LSM7: variants seen among roughly 807,000 people sequenced by gnomAD.
The protein encoded by LSM7 is LSM7 homolog, U6 small nuclear RNA and mRNA degradation associated.
Under a neutral mutation model 14.1 loss-of-function variants are expected in LSM7, and 13 were observed. The ratio of observed to expected loss-of-function variants is 0.92; its 90% CI spans 0.60 to 1.47. The LOEUF is 1.47. Among genes scored for constraint, LSM7 ranks in the 40% most tolerant of loss-of-function variants. The pLI is 0.00. For synonymous variants in LSM7, 70 were observed against 57.1 expected (o/e 1.23, Z -1.02); for missense variants, 108 against 140.8 (o/e 0.77, Z 1.18).
chr19:2,321,883 C>A lies in LSM7; in HGVS notation c.170-61G>T. Reference sequence around the variant, plus strand: ...CCAGGAAGCCTCCGAGACCCCCCACCCACCCAAGACCCTCGCTCCGACCTC... The same window carrying A: ...CCAGGAAGCCTCCGAGACCCCCCACACACCCAAGACCCTCGCTCCGACCTC... On this transcript the variant is annotated intron_variant, in intron 3 of 3. Transcript: ENST00000252622. The surrounding 1 kb of genome is among the most constrained non-coding windows in gnomAD (Gnocchi z 5.0). The A allele has an allele frequency of 7.5e-7, 1 of 1,335,186 alleles. No individual in the cohort carries two copies. The highest frequency in any genetic ancestry group is 3.1e-5 in the East Asian group (1 of 32,448). 82.7% of individuals were successfully genotyped at this position (1,335,186 alleles called of 1,614,324 possible).
chr19:2,324,080 T>G, intron 3 of LSM7, 45 bp downstream of exon 3: 1 of 525,042 alleles, frequency 1.9e-6, no homozygotes, highest in Non-Finnish European at 2.7e-6. Flanking sequence ...CTCACCCCAC[T>G]ATCCCCCTCG....
chr19:2,325,347 C>CCAG (rs1270238941), intron 2 of LSM7, among the ~76,000 whole-genome samples: 7 of 152,016 alleles, frequency 4.6e-5, no homozygotes, highest in African/African-American at 1.7e-4. Flanking sequence ...CAGCCGAGGC[C>CCAG]CAGCAGCAGC....
intron 2 of LSM7, 160 bp from the exon 3 acceptor site, chr19:2,324,356 A>G: frequency 1.6e-6 from 1 of 626,354 alleles, no homozygotes; most frequent in Non-Finnish European, 2.9e-6. Context: ...AGCCGCCTCC[A>G]GAGTGATCTC....
chr19:2,324,083 C>T (rs1201163788), intron 3 of LSM7, 42 bp downstream of exon 3: 2 of 1,006,360 alleles, frequency 2.0e-6, no homozygotes, highest in Non-Finnish European at 1.4e-6. Flanking sequence ...ACCCCACTAT[C>T]CCCCTCGTCC....
Position 2,321,740 on chromosome 19 carries a change from G to A in LSM7, c.252C>T (p.Ile84=). 1 of 1,570,118 alleles carries A rather than the reference G, an allele frequency of 6.4e-7. No homozygotes were observed. Among genetic ancestry groups the A allele is most frequent in the East Asian group, 2.4e-5 (1 of 42,172 alleles). ...TGGCCTCCATGCCGTCCTGCGGGCA[G>A]ATTAGCACCACGGACGTGCCCCGGC... is the stretch of plus-strand genomic sequence containing the variant. The part of the protein sequence containing the change: ...VVCRGTSVVL[I]CPQDGMEAIP... The change falls in exon 4 of 4, where the codon ATC becomes ATT. Residue 84 remains isoleucine (I), a synonymous_variant. Coordinates refer to ENST00000252622, the MANE Select transcript of LSM7 (RefSeq NM_016199.3). This position sits in a 1 kb window ranked among gnomAD's most constrained non-coding sequence, Gnocchi z 5.0.
chr19:2,322,128 C>T (rs1967944367), intron 3 of LSM7, among the ~76,000 whole-genome samples: 1 of 152,212 alleles, frequency 6.6e-6, no homozygotes, highest in Non-Finnish European at 1.5e-5. Flanking sequence ...TCACTGGGGC[C>T]CAGGCACCAG....
In LSM7 at chr19:2,321,659, C is replaced by T. The variant is rs759733510; in HGVS notation, c.*21G>A. On this transcript the variant is annotated 3_prime_UTR_variant, in exon 4 of 4. Transcript: ENST00000252622. The surrounding 1 kb of genome is among the most constrained non-coding windows in gnomAD (Gnocchi z 5.0). ...CCGAGCTGCTCGGGCCTGCCCTGCA[C>T]CCCCCGCGCCCCCGGCCAGGCTAGG... 6.1e-6 allele frequency: 9 copies of T among 1,470,950 alleles called. No individual in the cohort carries two copies. Among genetic ancestry groups the T allele is most frequent in the African/African-American group, 1.4e-5 (1 of 70,586 alleles). 91.1% of individuals were successfully genotyped at this position (1,470,950 alleles called of 1,614,324 possible).
At chr19:2,323,511 C>T (rs541847399) in intron 3 of LSM7, among the ~76,000 whole-genome samples, 2 of 152,306 alleles carry the variant, frequency 1.3e-5, no homozygotes, top group South Asian at 2.1e-4. Flanking sequence ...AGTGCAGTTG[C>T]ACCATCTCGG....
At chr19:2,322,497 C>T (rs1286387870) in intron 3 of LSM7, among the ~76,000 whole-genome samples, 1 of 152,082 alleles carries the variant, frequency 6.6e-6, no homozygotes, top group Non-Finnish European at 1.5e-5. Context: ...GCCGAGATCG[C>T]GCCACTGCAC....
In LSM7 at chr19:2,326,312, T is replaced by TGTG. The variant is rs1968015474; in HGVS notation, c.97+2074_97+2075insCAC. On this transcript the variant is annotated intron_variant, in intron 2 of 3. Transcript: ENST00000252622. ...TCAGGGACCAAACCCTTTCTGCTTT[T>TGTG]TGTGTGTGTGTGTGTGTGTGTGTGT... Among the ~76,000 whole-genome samples the TGTG allele has an allele frequency of 3.8e-3, 491 of 129,776 alleles. 5 individuals are homozygous for TGTG. Among genetic ancestry groups the TGTG allele is most frequent in the South Asian group, 0.023 (90 of 3,912 alleles). The allele number at this position is 129,776 out of a possible 152,430, so 85.1% of individuals were successfully genotyped here. A position where few individuals can be genotyped will look rare whatever the true frequency, so the allele number is the denominator to read the frequency against.
chr19:2,326,616 G>A (rs1050742965), intron 2 of LSM7, among the ~76,000 whole-genome samples: 2 of 152,044 alleles, frequency 1.3e-5, no homozygotes, highest in Non-Finnish European at 2.9e-5. Flanking sequence ...GATTACAGGC[G>A]TGAGCCACAG....
At chr19:2,328,509 A>T in intron 1 of LSM7, 32 bp from the exon 2 acceptor site, 1 of 1,611,692 alleles carries the variant, frequency 6.2e-7, no homozygotes, top group Non-Finnish European at 8.5e-7. Flanking sequence ...TGAGACCTGG[A>T]GCGCGGCCCG....
In LSM7 at chr19:2,321,959, T is replaced by G; in HGVS notation, c.170-137A>C. 1 of 788,642 alleles carries G rather than the reference T, an allele frequency of 1.3e-6. No individual in the cohort carries two copies. Among genetic ancestry groups the G allele is most frequent in the Non-Finnish European group, 1.8e-6 (1 of 563,432 alleles). 48.9% of individuals were successfully genotyped at this position (788,642 alleles called of 1,614,324 possible). On this transcript the variant is annotated intron_variant, in intron 3 of 3. Transcript: ENST00000252622. The surrounding 1 kb of genome is among the most constrained non-coding windows in gnomAD (Gnocchi z 5.0). Reference sequence around the variant, plus strand: ...GAGCACGCAGGGACCTCAGACGGGATGCGCTCTGTGGGGCAGGTCCCCGGC... The same window carrying G: ...GAGCACGCAGGGACCTCAGACGGGAGGCGCTCTGTGGGGCAGGTCCCCGGC...
intron 3 of LSM7, among the ~76,000 whole-genome samples, chr19:2,322,418 G>C (rs971855240): frequency 2.0e-5 from 3 of 152,184 alleles, no homozygotes; most frequent in Non-Finnish European, 2.9e-5. Flanking sequence ...GCAGGCACTT[G>C]GAGTCCCAGC....
At position 2,326,312 on chromosome 19, in the gene LSM7, T is replaced by TGTGTGTG. The variant is rs1968015474; in HGVS notation, c.97+2074_97+2075insCACACAC. ...TCAGGGACCAAACCCTTTCTGCTTTTTGTGTGTGTGTGTGTGTGTGTGTGT... is the reference window on the plus strand; with the variant it reads ...TCAGGGACCAAACCCTTTCTGCTTTTGTGTGTGTGTGTGTGTGTGTGTGTGTGTGTGT... On this transcript the variant is annotated intron_variant, in intron 2 of 3. Transcript: ENST00000252622. 4.0e-3 allele frequency among the ~76,000 whole-genome samples: 523 copies of TGTGTGTG among 129,764 alleles called. 3 individuals are homozygous for TGTGTGTG. The highest frequency in any genetic ancestry group is 0.021 in the South Asian group (82 of 3,908). 85.1% of individuals were successfully genotyped at this position (129,764 alleles called of 152,430 possible).
Position 2,321,849 on chromosome 19 carries a change from G to A in LSM7, c.170-27C>T, listed in dbSNP as rs1411293989. 2 of 1,403,844 alleles carry A rather than the reference G, an allele frequency of 1.4e-6. No homozygotes were observed. The highest frequency in any genetic ancestry group is 1.9e-6 in the Non-Finnish European group (2 of 1,071,860). The allele number at this position is 1,403,844 out of a possible 1,614,324, so 87.0% of individuals were successfully genotyped here. ...TGGGGAGGAGCAGATAGAGAGGACTGAGGGACCTCCAGGAAGCCTCCGAGA... is the reference window on the plus strand; with the variant it reads ...TGGGGAGGAGCAGATAGAGAGGACTAAGGGACCTCCAGGAAGCCTCCGAGA... On this transcript the variant is annotated intron_variant, in intron 3 of 3. Coordinates refer to ENST00000252622, the MANE Select transcript of LSM7 (RefSeq NM_016199.3). The surrounding 1 kb of genome is among the most constrained non-coding windows in gnomAD (Gnocchi z 5.0).
At chr19:2,322,294 C>G (rs1967946601) in intron 3 of LSM7, among the ~76,000 whole-genome samples, 1 of 152,228 alleles carries the variant, frequency 6.6e-6, no homozygotes, top group South Asian at 2.1e-4. Context: ...AATCCCAGCA[C>G]TTTGGGAGGC....
chr19:2,328,236 C>G (rs1280788303), intron 2 of LSM7, 151 bp downstream of exon 2: 1 of 692,036 alleles, frequency 1.4e-6, no homozygotes, highest in Non-Finnish European at 2.4e-6. Context: ...CACCACTGCA[C>G]TCCAGCCCGG....
intron 3 of LSM7, among the ~76,000 whole-genome samples, chr19:2,322,576 G>A (rs1445995643): frequency 6.6e-6 from 1 of 152,152 alleles, no homozygotes; most frequent in Non-Finnish European, 1.5e-5. Context: ...TTCATGTGGG[G>A]TGGGGACCAT....
Sources: gnomAD v4.1 joint callset for allele counts (sites outside exome capture counted in the v4.1 genomes callset) on GRCh38, gnomAD v4.1.1 for gene constraint, Gnocchi (gnomAD v3.1) non-coding constraint, MANE v1.5 for transcripts, NCBI Gene and HGNC (gene_info 2026-07-23, HGNC 2026-07-21) for gene names.